The following RAVER2 variants were observed in gnomAD, a reference collection of about 807,000 sequenced individuals.
RAVER2 encodes ribonucleoprotein, PTB binding 2.
RAVER2 carries 46 observed loss-of-function variants against 78.1 expected under a neutral mutation model. That is an observed-to-expected ratio of 0.59 (90% CI 0.46 to 0.75). The LOEUF (loss-of-function observed/expected upper bound fraction) is 0.75. Ranked by LOEUF, RAVER2 falls within the 30% of genes least tolerant of loss-of-function variation. The probability of loss-of-function intolerance (pLI) is 0.00; values close to 1 mark genes in which losing one functional copy is unlikely to be tolerated. For missense variants in RAVER2, 793 were observed against 837.5 expected (o/e 0.95, Z 0.66); for synonymous variants, 311 against 313.3 (o/e 0.99, Z 0.08).
intron 9 of RAVER2, among the ~76,000 whole-genome samples, chr1:64,807,911 T>C (rs1168462707): frequency 6.6e-6 from 1 of 152,206 alleles, no homozygotes; most frequent in African/African-American, 2.4e-5. Flanking sequence ...TTTTGTAGTT[T>C]GAAAAAGCTT....
At chr1:64,809,485 T>G (rs951088049) in intron 9 of RAVER2, among the ~76,000 whole-genome samples, 1 of 140,658 alleles carries the variant, frequency 7.1e-6, no homozygotes, top group African/African-American at 2.8e-5. Context: ...TCACCTCTAG[T>G]GCAAAAATAA....
chr1:64,832,994 G>C (rs1052708939), exon 12 of RAVER2: 1 of 169,874 alleles, frequency 5.9e-6, no homozygotes, highest in Non-Finnish European at 1.3e-5. Flanking sequence ...AACAAACAAA[G>C]GTGTCTGGAC....
At chr1:64,769,009 A>T (rs1034434844) in intron 2 of RAVER2, among the ~76,000 whole-genome samples, 1 of 151,986 alleles carries the variant, frequency 6.6e-6, no homozygotes, top group African/African-American at 2.4e-5. Context: ...TTTTAATTGT[A>T]TGTTACTGGA....
At chr1:64,755,181 T>C (rs2100805852) in intron 1 of RAVER2, among the ~76,000 whole-genome samples, 1 of 152,334 alleles carries the variant, frequency 6.6e-6, no homozygotes. Context: ...AAGAATATTA[T>C]CCATTCTGTT....
At chr1:64,768,054 C>A (rs920024709) in intron 1 of RAVER2, among the ~76,000 whole-genome samples, 3 of 152,004 alleles carry the variant, frequency 2.0e-5, no homozygotes, top group Non-Finnish European at 4.4e-5. Context: ...ATCCAGGGAT[C>A]TCTAAGCTCA....
intron 1 of RAVER2, among the ~76,000 whole-genome samples, chr1:64,763,601 T>C (rs1247023256): frequency 6.6e-6 from 1 of 151,916 alleles, no homozygotes; most frequent in Non-Finnish European, 1.5e-5. Context: ...GGTGTGTCTC[T>C]TAAGGATAAA....
intron 5 of RAVER2, among the ~76,000 whole-genome samples, chr1:64,798,841 C>G (rs1056648547): frequency 6.6e-6 from 1 of 152,094 alleles, no homozygotes; most frequent in African/African-American, 2.4e-5. Flanking sequence ...GGGGTACAGA[C>G]TGATGGTCCA....
At chr1:64,804,513 G>A (rs559101999) in intron 6 of RAVER2, among the ~76,000 whole-genome samples, 2 of 152,266 alleles carry the variant, frequency 1.3e-5, no homozygotes, top group East Asian at 1.9e-4. Flanking sequence ...AGGAGGGAAC[G>A]AAGGATGAAA....
chr1:64,766,040 T>C (rs1368191279), intron 1 of RAVER2, among the ~76,000 whole-genome samples: 1 of 152,202 alleles, frequency 6.6e-6, no homozygotes, highest in Non-Finnish European at 1.5e-5. Flanking sequence ...ATTGACTGAC[T>C]GCTTTGCCAT....
chr1:64,772,875 A>C (rs566255345), intron 2 of RAVER2, among the ~76,000 whole-genome samples: 1 of 152,206 alleles, frequency 6.6e-6, no homozygotes, highest in African/African-American at 2.4e-5. Context: ...GTAGAGCATG[A>C]TTACCAATCT....
At chr1:64,816,305 A>G (rs1653755858) in intron 11 of RAVER2, 2 of 152,032 alleles carry the variant, frequency 1.3e-5, no homozygotes, top group African/African-American at 2.4e-5. Context: ...CTGCCTCCAC[A>G]CTTGCTTGCC....
intron 1 of RAVER2, among the ~76,000 whole-genome samples, chr1:64,755,973 G>A (rs10493369): frequency 0.12 from 18,449 of 151,860 alleles, 1,302 homozygotes; most frequent in East Asian, 0.28. Context: ...CAACATAACT[G>A]CAATGCTACC....
intron 11 of RAVER2, 83 bp from the exon 12 acceptor site, chr1:64,830,756 G>T: frequency 7.7e-7 from 1 of 1,291,146 alleles, no homozygotes; most frequent in South Asian, 1.5e-5. Flanking sequence ...CCAAGTCAAA[G>T]TGGAATGCTT....
chr1:64,763,917 T>C (rs377254767), intron 1 of RAVER2, among the ~76,000 whole-genome samples: 16 of 133,798 alleles, frequency 1.2e-4, no homozygotes, highest in South Asian at 5.0e-4. Context: ...AAAACAAAAA[T>C]ACACACACAC....
intron 11 of RAVER2, among the ~76,000 whole-genome samples, chr1:64,819,405 G>T (rs1310222782): frequency 6.6e-6 from 1 of 152,010 alleles, no homozygotes; most frequent in Non-Finnish European, 1.5e-5. Context: ...AAAAGGTTCG[G>T]TTAACATGAA....
chr1:64,753,312 C>T (rs1651751293), intron 1 of RAVER2, among the ~76,000 whole-genome samples: 1 of 152,056 alleles, frequency 6.6e-6, no homozygotes, highest in Admixed American at 6.5e-5. Context: ...TGCTTGGCCT[C>T]CCAAACTGTT....
chr1:64,775,038 C>T (rs1010076509), intron 2 of RAVER2, among the ~76,000 whole-genome samples: 3 of 152,234 alleles, frequency 2.0e-5, no homozygotes, highest in East Asian at 3.9e-4. Flanking sequence ...TATCCTGAGA[C>T]GTTGCTGAAG....
chr1:64,777,564 T>C, intron 2 of RAVER2, 59 bp from the exon 3 acceptor site: 1 of 1,389,688 alleles, frequency 7.2e-7, no homozygotes, highest in Non-Finnish European at 9.9e-7. Context: ...GTAAGATATA[T>C]TTCTTACTGT....
chr1:64,782,976 C>T (rs765160563), intron 4 of RAVER2, among the ~76,000 whole-genome samples: 14 of 152,002 alleles, frequency 9.2e-5, no homozygotes, highest in African/African-American at 2.2e-4. Flanking sequence ...TGAGAACATG[C>T]GGTGTTTGGT....
Sources: allele counts gnomAD v4.1 joint callset (sites outside exome capture counted in the v4.1 genomes callset), GRCh38; gene constraint gnomAD v4.1.1; transcripts MANE v1.5; gene names NCBI Gene and HGNC (gene_info 2026-07-23, HGNC 2026-07-21).